GOLIM4: variants seen among roughly 807,000 people sequenced by gnomAD.
The protein encoded by GOLIM4 is 130 kDa golgi-localized phosphoprotein.
Under a neutral mutation model 107.4 loss-of-function variants are expected in GOLIM4, and 71 were observed. The observed-to-expected ratio is 0.66, with a 90% CI of 0.55 to 0.81. The LOEUF is 0.81. Ranked by LOEUF, GOLIM4 falls within the 30% of genes least tolerant of loss-of-function variation. GOLIM4 has a pLI of 0.00. For synonymous variants in GOLIM4, 327 were observed against 294.8 expected, an observed-to-expected ratio of 1.11 and a Z score of -1.12; for missense variants, 830 against 826.1, an observed-to-expected ratio of 1.00 and a Z score of -0.06.
chr3:168,027,714 G>A lies in GOLIM4; in HGVS notation c.1623+14C>T, dbSNP rs770587551. 1.3e-6 allele frequency: 2 copies of A among 1,482,260 alleles called. No individual in the cohort carries two copies. The highest frequency in any genetic ancestry group is 1.7e-4 in the Middle Eastern group (1 of 5,826). 91.8% of individuals were successfully genotyped at this position (1,482,260 alleles called of 1,614,324 possible). On this transcript the variant is annotated intron_variant, in intron 12 of 15. Coordinates refer to ENST00000470487, the MANE Select transcript of GOLIM4 (RefSeq NM_014498.5). ...GAGTTTACATGTGTCAGGGGCAGAA[G>A]AGAGGATACTTACATCTGCCTCAGA...
chr3:168,022,053 A>G (rs1023551365), intron 14 of GOLIM4, among the ~76,000 whole-genome samples: 2 of 152,220 alleles, frequency 1.3e-5, no homozygotes, highest in Middle Eastern at 3.2e-3. Flanking sequence ...TGTAAGTCTT[A>G]GAAAGATAAC....
At chr3:168,075,130 T>G (rs1018421389) in intron 1 of GOLIM4, among the ~76,000 whole-genome samples, 1 of 151,560 alleles carries the variant, frequency 6.6e-6, no homozygotes, top group Non-Finnish European at 1.5e-5. Flanking sequence ...ACCAGTGAAG[T>G]TAAAAAAAAA....
At chr3:168,022,320 G>A (rs1259961403) in intron 14 of GOLIM4, among the ~76,000 whole-genome samples, 2 of 148,624 alleles carry the variant, frequency 1.3e-5, no homozygotes, top group African/African-American at 5.1e-5. Flanking sequence ...AGACTCTAAG[G>A]TTAAATGGAG....
chr3:168,053,930 T>C (rs1163805686), intron 1 of GOLIM4, among the ~76,000 whole-genome samples: 3 of 152,154 alleles, frequency 2.0e-5, no homozygotes, highest in Admixed American at 2.0e-4. Flanking sequence ...GGTGGACCAC[T>C]ATTACCATTT....
intron 3 of GOLIM4, among the ~76,000 whole-genome samples, chr3:168,046,113 T>C (rs994178212): frequency 6.6e-6 from 1 of 152,144 alleles, no homozygotes; most frequent in African/African-American, 2.4e-5. Context: ...CCTCAGGCAA[T>C]CCTCCTGCCT....
chr3:168,052,298 C>G (rs1719692647), intron 1 of GOLIM4, among the ~76,000 whole-genome samples: 1 of 152,018 alleles, frequency 6.6e-6, no homozygotes, highest in African/African-American at 2.4e-5. Flanking sequence ...CCTTCCAACC[C>G]TACAGTTAAA....
Position 168,040,841 on chromosome 3 carries a change from T to C in GOLIM4, c.629A>G (p.His210Arg), listed in dbSNP as rs1560083623. 2 of 1,612,992 alleles carry C rather than the reference T, an allele frequency of 1.2e-6. No homozygotes were observed. Among genetic ancestry groups the C allele is most frequent in the Non-Finnish European group, 1.7e-6 (2 of 1,178,994 alleles). The change falls in exon 7 of 16, where the codon CAT (histidine) becomes CGT (arginine). Residue 210 changes from histidine to arginine, a missense_variant. Transcript: ENST00000470487. ...TTCCAAAGTCACTACAAGTTGTTCA[T>C]GCTCGGAGAGTAAATTCTTATGCTG... ...KQQHKNLLSE[H>R]EQLVVTLEDH...
At chr3:168,037,142 C>G (rs1416708583) in intron 7 of GOLIM4, 148 bp from the exon 8 acceptor site, 1 of 512,772 alleles carries the variant, frequency 2.0e-6, no homozygotes, top group Non-Finnish European at 3.5e-6. Context: ...ATTCACTATT[C>G]TTACTTGGGC....
chr3:168,045,734 C>G (rs1413989800), intron 3 of GOLIM4, among the ~76,000 whole-genome samples: 1 of 152,048 alleles, frequency 6.6e-6, no homozygotes, highest in African/African-American at 2.4e-5. Context: ...TTATTAAAAA[C>G]TTCTAAAATG....
At chr3:168,041,235 G>A (rs1019871970) in intron 6 of GOLIM4, 157 bp downstream of exon 6, 10 of 559,606 alleles carry the variant, frequency 1.8e-5, no homozygotes, top group Non-Finnish European at 3.2e-5. Context: ...TTACAATGCT[G>A]AAGTGGTAAA....
rs1334286462 is a variant in GOLIM4, at chr3:168,010,086, T to TCTAG, written c.*179_*182dup. 2.1e-6 allele frequency: 1 copy of TCTAG among 472,398 alleles called. No homozygotes were observed. The highest frequency in any genetic ancestry group is 3.7e-6 in the Non-Finnish European group (1 of 273,296). 29.3% of individuals were successfully genotyped at this position (472,398 alleles called of 1,614,324 possible). A position where few individuals can be genotyped will look rare whatever the true frequency, so the allele number is the denominator to read the frequency against. ...TGTTTAGCTTGAATATAAAAGAAGC[T>TCTAG]CTAGACCTACGTTATCAAAATATAT... On this transcript the variant is annotated 3_prime_UTR_variant, in exon 16 of 16. Coordinates refer to ENST00000470487, the MANE Select transcript of GOLIM4 (RefSeq NM_014498.5).
chr3:168,050,884 T>G (rs1342052217), intron 1 of GOLIM4, among the ~76,000 whole-genome samples: 1 of 148,252 alleles, frequency 6.7e-6, no homozygotes, highest in Admixed American at 6.7e-5. Context: ...CCTAGCAGCA[T>G]AGTCAAGAAA....
In GOLIM4 at chr3:168,095,263, C is replaced by A; in HGVS notation, c.23G>T (p.Arg8Leu). 1 of 1,613,128 alleles carries A rather than the reference C, an allele frequency of 6.2e-7. No homozygotes were observed. The highest frequency in any genetic ancestry group is 1.1e-5 in the South Asian group (1 of 91,038). Residue 8 changes from arginine (R) to leucine (L), a missense_variant, in exon 1 of 16, where the codon CGA becomes CTA. Arg to Leu is a moderately radical substitution (Grantham distance 102, BLOSUM62 -2). Coordinates refer to ENST00000470487, the MANE Select transcript of GOLIM4 (RefSeq NM_014498.5). MGNGMCS[R>L]KQKRIFQTLL... ...CGTCTGGAAAATCCGCTTCTGCTTT[C>A]GGGAGCACATCCCGTTTCCCATAGT...
Position 168,044,810 on chromosome 3 carries a change from C to A in GOLIM4, c.366+18G>T. The A allele has an allele frequency of 7.1e-7, 1 of 1,408,730 alleles. No homozygotes were observed. Among genetic ancestry groups the A allele is most frequent in the Non-Finnish European group, 9.9e-7 (1 of 1,011,822 alleles). The allele number at this position is 1,408,730 out of a possible 1,614,324, so 87.3% of individuals were successfully genotyped here. ...AATCCTTTCTTTTATTCATAAATAACAACTTTAGATTACTCACTTTCAACA... is the reference window on the plus strand; with the variant it reads ...AATCCTTTCTTTTATTCATAAATAAAAACTTTAGATTACTCACTTTCAACA... On this transcript the variant is annotated intron_variant, in intron 4 of 15. Coordinates refer to ENST00000470487, the MANE Select transcript of GOLIM4 (RefSeq NM_014498.5).
At position 168,024,496 on chromosome 3, in the gene GOLIM4, G is replaced by A. The variant is rs747057187; in HGVS notation, c.1860+30C>T. ...GTTAGTGTGTGTGACAGACCAATCT[G>A]ATCAGTCTCTGGGATTCAATCCTTA... On this transcript the variant is annotated intron_variant, in intron 14 of 15. Transcript: ENST00000470487. The A allele has an allele frequency of 1.0e-5, 15 of 1,459,062 alleles. 1 individual carries two copies. The highest frequency in any genetic ancestry group is 3.4e-4 in the Middle Eastern group (2 of 5,812). 90.4% of individuals were successfully genotyped at this position (1,459,062 alleles called of 1,614,324 possible).
chr3:168,081,901 A>G (rs965074303), intron 1 of GOLIM4, among the ~76,000 whole-genome samples: 4 of 152,102 alleles, frequency 2.6e-5, no homozygotes, highest in Admixed American at 2.6e-4. Flanking sequence ...TAATTTGGAG[A>G]TGGGAGGGTA....
At chr3:168,039,479 G>T (rs768142830) in intron 7 of GOLIM4, among the ~76,000 whole-genome samples, 1 of 151,922 alleles carries the variant, frequency 6.6e-6, no homozygotes, top group African/African-American at 2.4e-5. Flanking sequence ...GGCCAGGCTG[G>T]TCTCAAACTC....
At position 168,036,866 on chromosome 3, in the gene GOLIM4, T is replaced by C. The variant is rs756987950; in HGVS notation, c.813A>G (p.Ala271=). ...GCACCTCTCGGGTTGGCTTCTCCCTTGCTGTGTTGTAACCTTGTGGAGAAT... is the reference window on the plus strand; with the variant it reads ...GCACCTCTCGGGTTGGCTTCTCCCTCGCTGTGTTGTAACCTTGTGGAGAAT... The part of the protein sequence containing the change: ...VAHSPQGYNT[A]REKPTREVQE... Residue 271 remains alanine, a synonymous_variant, in exon 8 of 16, where the codon GCA becomes GCG. Transcript: ENST00000470487. 10 of 1,613,690 alleles carry C rather than the reference T, an allele frequency of 6.2e-6. No individual in the cohort carries two copies. The highest frequency in any genetic ancestry group is 8.5e-6 in the Non-Finnish European group (10 of 1,179,812).
At chr3:168,031,402 T>C (rs1170791967) in intron 9 of GOLIM4, among the ~76,000 whole-genome samples, 1 of 152,224 alleles carries the variant, frequency 6.6e-6, no homozygotes, top group Non-Finnish European at 1.5e-5. Context: ...ATGGGTTATC[T>C]AGATTTGATC....
Sources: gnomAD v4.1 joint callset for allele counts (sites outside exome capture counted in the v4.1 genomes callset) on GRCh38, gnomAD v4.1.1 for gene constraint, MANE v1.5 for transcripts, NCBI Gene and HGNC (gene_info 2026-07-23, HGNC 2026-07-21) for gene names.